ZNF451: variants seen among roughly 807,000 people sequenced by gnomAD.
The protein encoded by ZNF451 is zinc finger protein 451, also known as E3 SUMO-protein ligase ZNF451.
ZNF451 carries 80 observed loss-of-function variants against 107.1 expected under a neutral mutation model. The observed-to-expected ratio is 0.75, with a 90% CI of 0.62 to 0.90. ZNF451 has a LOEUF of 0.90. Ranked by LOEUF, ZNF451 falls within the 40% of genes least tolerant of loss-of-function variation. ZNF451 has a pLI of 0.00. For synonymous variants in ZNF451, 362 were observed against 406.5 expected (o/e 0.89, Z 1.32); for missense variants, 1,107 against 1,236.2 (o/e 0.90, Z 1.57).
At chr6:57,105,081 T>G (rs1562592302) in intron 3 of ZNF451, 1 of 985,428 alleles carries the variant, frequency 1.0e-6, no homozygotes, top group Non-Finnish European at 1.2e-6. Flanking sequence ...CTAGGGAGAT[T>G]ACCCCAATAG....
intron 5 of ZNF451, among the ~76,000 whole-genome samples, chr6:57,131,288 GCTGT>G (rs902030072): frequency 1.3e-5 from 2 of 152,034 alleles, no homozygotes; most frequent in Admixed American, 1.3e-4. Context: ...TTTTAAAAAT[GCTGT>G]CTGTATTATT....
rs1032914466 is a variant in ZNF451 at position 57,108,320 on chromosome 6, G to C, written c.186+9179G>C. Reference sequence around the variant, plus strand: ...TCTATCACAGCATTTACTGTTAAGGGCTACAGTTAGACCTCTTGTTAACTC... The same window carrying C: ...TCTATCACAGCATTTACTGTTAAGGCCTACAGTTAGACCTCTTGTTAACTC... On this transcript the variant is annotated intron_variant, in intron 3 of 14. Coordinates refer to ENST00000370706, the MANE Select transcript of ZNF451 (RefSeq NM_001031623.3). The C allele has an allele frequency of 3.0e-6, 3 of 985,222 alleles. No individual in the cohort carries two copies. The South Asian group carries it at 1.4e-4, about 46-fold the overall frequency. The allele number at this position is 985,222 out of a possible 1,614,324, so 61.0% of individuals were successfully genotyped here. A position where few individuals can be genotyped will look rare whatever the true frequency, so the allele number is the denominator to read the frequency against.
intron 3 of ZNF451, among the ~76,000 whole-genome samples, chr6:57,113,901 G>A (rs890948173): frequency 1.3e-5 from 2 of 152,132 alleles, no homozygotes; most frequent in East Asian, 1.9e-4. Context: ...GATTACAGGC[G>A]TGATCACGCC....
chr6:57,103,955 A>T, intron 3 of ZNF451: 1 of 985,140 alleles, frequency 1.0e-6, no homozygotes, highest in Non-Finnish European at 1.2e-6. Context: ...GGAAGAAATT[A>T]CTTTATCAGT....
At chr6:57,099,904 T>C (rs1829508796) in intron 3 of ZNF451, among the ~76,000 whole-genome samples, 1 of 152,236 alleles carries the variant, frequency 6.6e-6, no homozygotes, top group Admixed American at 6.5e-5. Context: ...TCAGAATACC[T>C]GGGTTTGAGT....
At chr6:57,111,862 A>G (rs1489599079) in intron 3 of ZNF451, among the ~76,000 whole-genome samples, 4 of 152,228 alleles carry the variant, frequency 2.6e-5, no homozygotes, top group African/African-American at 9.6e-5. Flanking sequence ...TTCACTGAAT[A>G]AAGTACTTTA....
intron 3 of ZNF451, among the ~76,000 whole-genome samples, chr6:57,099,888 T>G (rs1829507872): frequency 6.6e-6 from 1 of 152,244 alleles, no homozygotes; most frequent in Admixed American, 6.5e-5. Flanking sequence ...AGACTTGGAC[T>G]TGGAATCAGA....
intron 13 of ZNF451, among the ~76,000 whole-genome samples, chr6:57,156,905 A>G (rs1462840119): frequency 1.3e-5 from 2 of 152,142 alleles, no homozygotes; most frequent in Non-Finnish European, 2.9e-5. Flanking sequence ...CTCCTATGAG[A>G]ATCTAATGCC....
At chr6:57,149,765 A>G (rs994861519) in intron 10 of ZNF451, among the ~76,000 whole-genome samples, 16 of 152,012 alleles carry the variant, frequency 1.1e-4, no homozygotes, top group Non-Finnish European at 1.8e-4. Context: ...TACCTAGTCA[A>G]CTCTAAACAG....
intron 9 of ZNF451, among the ~76,000 whole-genome samples, chr6:57,143,580 T>C (rs1831892803): frequency 6.6e-6 from 1 of 152,242 alleles, no homozygotes; most frequent in South Asian, 2.1e-4. Context: ...AGCACTGCTT[T>C]ACCTGCATGC....
intron 10 of ZNF451, among the ~76,000 whole-genome samples, chr6:57,149,916 G>A (rs551498945): frequency 3.3e-5 from 5 of 152,030 alleles, no homozygotes; most frequent in East Asian, 1.9e-4. Flanking sequence ...GAGAAAAGAC[G>A]TAAGGTGGCT....
At chr6:57,136,820 CT>C (rs897151009) in intron 7 of ZNF451, among the ~76,000 whole-genome samples, 30 of 151,300 alleles carry the variant, frequency 2.0e-4, no homozygotes, top group Admixed American at 1.1e-3. Context: ...TTTGTTTTTT[CT>C]TTTTTCTCGG....
intron 9 of ZNF451, among the ~76,000 whole-genome samples, chr6:57,146,567 G>C (rs1832074182): frequency 6.6e-6 from 1 of 152,136 alleles, no homozygotes; most frequent in African/African-American, 2.4e-5. Context: ...TCAAAGATCA[G>C]TAGTTTGTAG....
chr6:57,149,194 A>G (rs1042975245), intron 10 of ZNF451, among the ~76,000 whole-genome samples: 4 of 152,202 alleles, frequency 2.6e-5, no homozygotes, highest in African/African-American at 4.8e-5. Flanking sequence ...TAAAATAGCA[A>G]TTAGAAGTAG....
At chr6:57,165,923 A>G (rs546036185) in intron 14 of ZNF451, 1 of 152,346 alleles carries the variant, frequency 6.6e-6, no homozygotes, top group Non-Finnish European at 1.5e-5. Context: ...CAGGATGGGG[A>G]AGTTGCTCTG....
intron 7 of ZNF451, among the ~76,000 whole-genome samples, chr6:57,135,472 A>G (rs1311028875): frequency 6.6e-6 from 1 of 152,182 alleles, no homozygotes; most frequent in Non-Finnish European, 1.5e-5. Flanking sequence ...ATTAACAAAA[A>G]GACAAGAAGT....
chr6:57,107,100 T>C (rs1473491692), intron 3 of ZNF451: 11 of 985,268 alleles, frequency 1.1e-5, no homozygotes, highest in Non-Finnish European at 1.3e-5. Flanking sequence ...GATAACTTAT[T>C]ACTGGAAATT....
intron 13 of ZNF451, chr6:57,159,034 A>T (rs978913076): frequency 3.0e-6 from 3 of 985,238 alleles, no homozygotes; most frequent in Admixed American, 6.1e-5. Context: ...CTTATTTCTT[A>T]AAGTCTGTCT....
intron 4 of ZNF451, among the ~76,000 whole-genome samples, chr6:57,127,512 A>G (rs977674592): frequency 1.3e-5 from 2 of 152,148 alleles, no homozygotes; most frequent in Non-Finnish European, 2.9e-5. Flanking sequence ...TAACTAGGCC[A>G]TACATTATTA....
Sources: allele counts gnomAD v4.1 joint callset (sites outside exome capture counted in the v4.1 genomes callset), GRCh38; gene constraint gnomAD v4.1.1; transcripts MANE v1.5; gene names NCBI Gene and HGNC (gene_info 2026-07-23, HGNC 2026-07-21).